GASK1A: variants seen among roughly 807,000 people sequenced by gnomAD.
GASK1A encodes the protein golgi associated kinase 1A, also known as Golgi-associated kinase 1A.
In GASK1A, 40 loss-of-function variants were observed where a neutral mutation model predicts 41.2. The ratio of observed to expected loss-of-function variants is 0.97; its 90% CI spans 0.75 to 1.27. GASK1A has a LOEUF of 1.27. GASK1A is among the 50% of genes most tolerant of loss of function. GASK1A has a pLI of 0.00. For synonymous variants in GASK1A, 316 were observed against 307.1 expected, an observed-to-expected ratio of 1.03 and a Z score of -0.30; for missense variants, 678 against 745.1, an observed-to-expected ratio of 0.91 and a Z score of 1.05.
chr3:42,980,696 T>C (rs910329651), intron 1 of GASK1A, among the ~76,000 whole-genome samples: 9 of 152,024 alleles, frequency 5.9e-5, no homozygotes, highest in Admixed American at 2.6e-4. Flanking sequence ...CATAAGGAGC[T>C]GGGGGCTCAG....
intron 1 of GASK1A, among the ~76,000 whole-genome samples, chr3:42,981,238 G>A (rs561403365): frequency 2.6e-4 from 39 of 152,276 alleles, no homozygotes; most frequent in African/African-American, 9.1e-4. Flanking sequence ...GGGGCCTGAT[G>A]GTCATCCTCT....
intron 2 of GASK1A, chr3:43,037,503 A>G: frequency 4.1e-6 from 2 of 483,552 alleles, no homozygotes; most frequent in Admixed American, 6.2e-5. Context: ...GTATTTAGGA[A>G]TATCTGGAGA....
chr3:43,056,126 T>C (rs2089714422), intron 4 of GASK1A, 50 bp from the exon 5 acceptor site: 1 of 1,399,244 alleles, frequency 7.1e-7, no homozygotes, highest in East Asian at 2.5e-5. Context: ...TTCTCTGAGA[T>C]TACTGTTGCT....
chr3:43,053,690 T>G, intron 3 of GASK1A, 47 bp downstream of exon 3: 3 of 1,548,004 alleles, frequency 1.9e-6, no homozygotes, highest in Non-Finnish European at 2.6e-6. Context: ...ACCCAGGTCT[T>G]TCTGTGTCCT....
chr3:43,045,206 G>A (rs1195060165), intron 2 of GASK1A, among the ~76,000 whole-genome samples: 2 of 152,138 alleles, frequency 1.3e-5, no homozygotes, highest in African/African-American at 2.4e-5. Context: ...CATTCCAGAG[G>A]CTACAGGGGT....
At chr3:42,980,543 A>T (rs2089277624) in intron 1 of GASK1A, among the ~76,000 whole-genome samples, 2 of 151,876 alleles carry the variant, frequency 1.3e-5, no homozygotes, top group Admixed American at 1.3e-4. Flanking sequence ...CCCACTGGAG[A>T]TGCTTTGTGG....
intron 1 of GASK1A, among the ~76,000 whole-genome samples, chr3:43,004,239 T>C (rs2089423743): frequency 6.6e-6 from 1 of 152,120 alleles, no homozygotes; most frequent in South Asian, 2.1e-4. Flanking sequence ...CCATGGAAAA[T>C]AAAACCAGTT....
intron 1 of GASK1A, among the ~76,000 whole-genome samples, chr3:43,031,126 A>C (rs1222660681): frequency 1.3e-5 from 2 of 152,220 alleles, no homozygotes; most frequent in African/African-American, 4.8e-5. Context: ...TTTAGTAAGT[A>C]AACTTAATTT....
intron 2 of GASK1A, among the ~76,000 whole-genome samples, chr3:43,048,471 G>A (rs1385292569): frequency 6.6e-6 from 1 of 152,134 alleles, no homozygotes; most frequent in African/African-American, 2.4e-5. Flanking sequence ...GGTGGTCCTA[G>A]GAAACCTGGT....
chr3:43,018,384 C>A (rs1314790742), intron 1 of GASK1A, among the ~76,000 whole-genome samples: 2 of 152,180 alleles, frequency 1.3e-5, no homozygotes, highest in African/African-American at 4.8e-5. Context: ...AGTCACCTCA[C>A]AAGTCAGATG....
rs79390034 is a variant in GASK1A at position 43,051,558 on chromosome 3, G to A, written c.1291-1963G>A. Among the ~76,000 whole-genome samples, 1,165 of 152,236 alleles carry A rather than the reference G, an allele frequency of 7.7e-3. 18 individuals carry two copies. The highest frequency in any genetic ancestry group is 0.026 in the African/African-American group (1,093 of 41,536). ...TGCATGTGGCTTTCTAGATTTCCAG[G>A]AACATATTGGAGCTTTTCACAGCCC... On this transcript the variant is annotated intron_variant, in intron 2 of 4. Transcript: ENST00000430121.
intron 2 of GASK1A, among the ~76,000 whole-genome samples, chr3:43,052,541 G>T (rs2089696308): frequency 6.6e-6 from 1 of 152,148 alleles, no homozygotes; most frequent in Non-Finnish European, 1.5e-5. Context: ...AAAATAGAAT[G>T]AGTTTTCCCC....
At chr3:43,054,354 TCCCCTAC>T (rs2089706347) in intron 3 of GASK1A, 1 of 153,310 alleles carries the variant, frequency 6.5e-6, no homozygotes, top group Admixed American at 6.5e-5. Context: ...GGAATTCTCC[TCCCCTAC>T]CCCCAGAGCC....
At chr3:43,046,651 G>T (rs150000564) in intron 2 of GASK1A, among the ~76,000 whole-genome samples, 42 of 152,316 alleles carry the variant, frequency 2.8e-4, no homozygotes, top group Non-Finnish European at 6.0e-4. Context: ...GTAATGAGGA[G>T]CCAAATGTCA....
intron 1 of GASK1A, among the ~76,000 whole-genome samples, chr3:43,024,812 T>C (rs568231081): frequency 2.6e-5 from 4 of 152,300 alleles, no homozygotes; most frequent in African/African-American, 9.6e-5. Context: ...ACCCATCCAT[T>C]GAGCGACAGA....
chr3:43,030,385 G>T (rs1471088999), intron 1 of GASK1A, among the ~76,000 whole-genome samples: 1 of 152,182 alleles, frequency 6.6e-6, no homozygotes, highest in African/African-American at 2.4e-5. Flanking sequence ...CATGTAGCAG[G>T]AGTACCCACG....
intron 1 of GASK1A, among the ~76,000 whole-genome samples, chr3:42,995,545 C>T (rs116625820): frequency 2.6e-4 from 39 of 152,340 alleles, no homozygotes; most frequent in Admixed American, 4.6e-4. Context: ...CTGTGGGTCC[C>T]GGTTTATAAA....
intron 1 of GASK1A, among the ~76,000 whole-genome samples, chr3:42,995,233 A>G (rs1490475707): frequency 6.6e-6 from 1 of 152,212 alleles, no homozygotes; most frequent in African/African-American, 2.4e-5. Context: ...CATCTTCTAT[A>G]AGAAAAACAA....
chr3:43,024,828 A>C (rs1186682694), intron 1 of GASK1A, among the ~76,000 whole-genome samples: 1 of 152,178 alleles, frequency 6.6e-6, no homozygotes, highest in African/African-American at 2.4e-5. Flanking sequence ...ACAGACATTA[A>C]ATGATCAAAT....
Sources: allele counts gnomAD v4.1 joint callset (sites outside exome capture counted in the v4.1 genomes callset), GRCh38; gene constraint gnomAD v4.1.1; transcripts MANE v1.5; gene names NCBI Gene and HGNC (gene_info 2026-07-23, HGNC 2026-07-21).